The following CSMD1 variants were observed in gnomAD, a reference collection of about 807,000 sequenced individuals.
CSMD1 encodes the protein CUB and sushi domain-containing protein 1.
A neutral mutation model predicts 417.5 loss-of-function variants in CSMD1; 213 were observed. The ratio of observed to expected loss-of-function variants is 0.51; its 90% CI spans 0.46 to 0.57. CSMD1 has a LOEUF of 0.57. Ranked by LOEUF, CSMD1 falls within the 20% of genes least tolerant of loss-of-function variation. The probability of loss-of-function intolerance (pLI) is 0.00; values close to 1 mark genes in which losing one functional copy is unlikely to be tolerated. For synonymous variants in CSMD1, 2,862 were observed against 1,736.8 expected (o/e 1.65, Z -16.11); for missense variants, 6,923 against 4,529.7 (o/e 1.53, Z -15.17).
chr8:3,468,793 C>A lies in CSMD1; in HGVS notation c.1480G>T (p.Val494Leu). 1.0e-5 allele frequency: 16 copies of A among 1,602,926 alleles called. No individual in the cohort carries two copies. Among genetic ancestry groups the A allele is most frequent in the Non-Finnish European group, 1.3e-5 (15 of 1,174,836 alleles). ...LTGSSVPDLI[V>L]SMSNQMWLHL... ...AGCCACATCTGGTTGCTCATGCTCA[C>A]AATGAGGTCAGGAACACTGGATCCC... Residue 494 changes from valine (V) to leucine (L), a missense_variant, in exon 12 of 70, where the codon GTG becomes TTG. Physicochemically the swap from Val to Leu is conservative, Grantham distance 32 (BLOSUM62 1). Coordinates refer to ENST00000635120, the MANE Select transcript of CSMD1 (RefSeq NM_033225.6).
chr8:3,840,791 G>A (rs1389199218), intron 5 of CSMD1, among the ~76,000 whole-genome samples: 1 of 150,810 alleles, frequency 6.6e-6, no homozygotes, highest in East Asian at 2.0e-4. Flanking sequence ...CGCCTCCTGG[G>A]TTCAAGCAAT....
intron 2 of CSMD1, among the ~76,000 whole-genome samples, chr8:4,612,261 T>A (rs1801218795): frequency 6.6e-6 from 1 of 152,062 alleles, no homozygotes; most frequent in Non-Finnish European, 1.5e-5. Flanking sequence ...GTGATAAAAA[T>A]AAATGAAGAG....
At position 3,464,208 on chromosome 8, in the gene CSMD1, AT is replaced by A. The variant is rs369165052; in HGVS notation, c.1561+4503del. On this transcript the variant is annotated intron_variant, in intron 12 of 69. Coordinates refer to ENST00000635120, the MANE Select transcript of CSMD1 (RefSeq NM_033225.6). ...AACTAGTGTGATGAACTCGAACCGA[AT>A]TTTTTTTTGTAACCAAAAATGCTTC... Among the ~76,000 whole-genome samples, 200 of 151,684 alleles carry A rather than the reference AT, an allele frequency of 1.3e-3. 1 individual carries two copies. The highest frequency in any genetic ancestry group is 4.7e-3 in the African/African-American group (193 of 41,404).
intron 54 of CSMD1, among the ~76,000 whole-genome samples, chr8:2,983,875 A>G (rs1040677103): frequency 6.6e-6 from 1 of 152,224 alleles, no homozygotes; most frequent in Non-Finnish European, 1.5e-5. Flanking sequence ...ATTATACAAA[A>G]AGGAAAAGTA....
At chr8:3,565,221 G>C (rs1799654368) in intron 10 of CSMD1, among the ~76,000 whole-genome samples, 1 of 136,672 alleles carries the variant, frequency 7.3e-6, no homozygotes, top group Non-Finnish European at 1.5e-5. Context: ...TAGAGAGATA[G>C]ACAGATAGAT....
rs1800080871 is a variant in CSMD1 at position 4,593,265 on chromosome 8, A to G, written c.302+44077T>C. ...GAATTTCCGCAGGAACATGAGCGTT[A>G]ATATGATTTCCCCATTTGTTCCCTC... is the stretch of plus-strand genomic sequence containing the variant. On this transcript the variant is annotated intron_variant, in intron 2 of 69. Coordinates refer to ENST00000635120, the MANE Select transcript of CSMD1 (RefSeq NM_033225.6). Among the ~76,000 whole-genome samples, 6 of 152,354 alleles carry G rather than the reference A, an allele frequency of 3.9e-5. No homozygotes were observed. The South Asian group carries it at 1.2e-3, about 32-fold the overall frequency.
chr8:3,267,600 G>A (rs184136104), intron 26 of CSMD1, among the ~76,000 whole-genome samples: 31 of 152,320 alleles, frequency 2.0e-4, no homozygotes, highest in Middle Eastern at 3.4e-3. Context: ...TTTGAGGATG[G>A]CATCGCTGCT....
intron 7 of CSMD1, among the ~76,000 whole-genome samples, chr8:3,663,583 C>CT (rs1798531923): frequency 6.6e-6 from 1 of 152,204 alleles, no homozygotes; most frequent in Admixed American, 6.5e-5. Flanking sequence ...AGCCACCCCT[C>CT]TGCTCACTGA....
intron 2 of CSMD1, among the ~76,000 whole-genome samples, chr8:4,575,366 G>T (rs371146058): frequency 2.0e-5 from 3 of 152,186 alleles, no homozygotes; most frequent in African/African-American, 7.2e-5. Flanking sequence ...AAAGTTGCGG[G>T]ATGAAAAGGA....
chr8:3,951,127 G>C (rs938458279), intron 5 of CSMD1, among the ~76,000 whole-genome samples: 8 of 152,192 alleles, frequency 5.3e-5, no homozygotes, highest in Non-Finnish European at 1.0e-4. Flanking sequence ...ATAGGCAGGA[G>C]ATGTCTCAAA....
rs796210113 is a variant in CSMD1 at position 3,221,561 on chromosome 8, C to CAAACA, written c.4485-2120_4485-2119insTGTTT. Among the ~76,000 whole-genome samples the CAAACA allele has an allele frequency of 2.5e-4, 37 of 149,414 alleles. 1 individual carries two copies. In the East Asian group the frequency reaches 5.7e-3, roughly 23 times the overall value. ...ACAAACAAACAAACAAACAAACAAACACTATATATCCCATCTGCTCTCTTT... is the reference window on the plus strand; with the variant it reads ...ACAAACAAACAAACAAACAAACAAACAAACAACTATATATCCCATCTGCTCTCTTT... On this transcript the variant is annotated intron_variant, in intron 28 of 69. Coordinates refer to ENST00000635120, the MANE Select transcript of CSMD1 (RefSeq NM_033225.6).
At chr8:4,884,502 T>C (rs1202132361) in intron 1 of CSMD1, among the ~76,000 whole-genome samples, 3 of 152,096 alleles carry the variant, frequency 2.0e-5, no homozygotes, top group East Asian at 3.9e-4. Context: ...GTAAGGATTT[T>C]ATAATTTTAG....
chr8:3,503,454 C>G (rs1281912687), intron 10 of CSMD1, among the ~76,000 whole-genome samples: 2 of 152,220 alleles, frequency 1.3e-5, no homozygotes, highest in African/African-American at 4.8e-5. Context: ...CGCAATTCCT[C>G]TAAAACACAG....
intron 3 of CSMD1, among the ~76,000 whole-genome samples, chr8:4,105,598 A>G (rs988792529): frequency 1.3e-5 from 2 of 152,240 alleles, no homozygotes; most frequent in African/African-American, 4.8e-5. Flanking sequence ...GATGAGGGCT[A>G]CAGCAGAAGA....
chr8:4,899,819 G>C (rs534070058), intron 1 of CSMD1, among the ~76,000 whole-genome samples: 7 of 152,268 alleles, frequency 4.6e-5, no homozygotes, highest in African/African-American at 1.7e-4. Context: ...GCCTCACACA[G>C]TGTAACAAAT....
intron 5 of CSMD1, among the ~76,000 whole-genome samples, chr8:3,863,771 C>T (rs1263373020): frequency 6.6e-6 from 1 of 152,048 alleles, no homozygotes; most frequent in Non-Finnish European, 1.5e-5. Context: ...AGAGAATTTT[C>T]TACTAGTTTT....
intron 3 of CSMD1, among the ~76,000 whole-genome samples, chr8:4,190,395 G>C (rs1021790254): frequency 6.6e-6 from 1 of 152,002 alleles, no homozygotes; most frequent in African/African-American, 2.4e-5. Flanking sequence ...CTACTTGACA[G>C]AATGGTTATG....
At chr8:4,637,730 G>C (rs997663439) in intron 1 of CSMD1, among the ~76,000 whole-genome samples, 172 bp from the exon 2 acceptor site, 2 of 143,156 alleles carry the variant, frequency 1.4e-5, no homozygotes, top group African/African-American at 5.2e-5. Flanking sequence ...GACTGCAGTG[G>C]CGCGATCTCA....
chr8:4,829,078 T>G (rs905868567), intron 1 of CSMD1, among the ~76,000 whole-genome samples: 1 of 152,172 alleles, frequency 6.6e-6, no homozygotes, highest in African/African-American at 2.4e-5. Context: ...TCCACTAACA[T>G]TTTGCATTTA....
Sources: gnomAD v4.1 joint callset for allele counts (sites outside exome capture counted in the v4.1 genomes callset) on GRCh38, gnomAD v4.1.1 for gene constraint, MANE v1.5 for transcripts, NCBI Gene and HGNC (gene_info 2026-07-23, HGNC 2026-07-21) for gene names.